Variants in GRIK1 observed in about 807,000 individuals in gnomAD.
GRIK1 encodes glutamate receptor ionotropic, kainate 1.
A neutral mutation model predicts 105.7 loss-of-function variants in GRIK1; 69 were observed. The observed-to-expected ratio is 0.65, with a 90% CI of 0.54 to 0.80. GRIK1 has a LOEUF of 0.80. GRIK1 is among the 30% of genes least tolerant of loss of function. The pLI is 0.00. For synonymous variants in GRIK1, 438 were observed against 431.3 expected (o/e 1.02, Z -0.19); for missense variants, 1,109 against 1,167.3 (o/e 0.95, Z 0.73).
chr21:29,835,852 C>A (rs979831043), intron 1 of GRIK1, among the ~76,000 whole-genome samples: 9 of 152,172 alleles, frequency 5.9e-5, no homozygotes, highest in African/African-American at 1.9e-4. Flanking sequence ...CCAGAGCTAG[C>A]AATTGCTTGG....
At chr21:29,933,962 C>CT (rs11423013) in intron 1 of GRIK1, among the ~76,000 whole-genome samples, 103,766 of 151,860 alleles carry the variant, frequency 0.68, 35,678 homozygotes, top group East Asian at 0.83. Flanking sequence ...CTCCACTACT[C>CT]TTTCCTCTAG....
intron 1 of GRIK1, among the ~76,000 whole-genome samples, chr21:29,922,029 G>A (rs2071210239): frequency 1.3e-5 from 2 of 152,126 alleles, no homozygotes; most frequent in Non-Finnish European, 1.5e-5. Context: ...GAAAGGATTA[G>A]CAATTATCCC....
At chr21:29,681,977 C>T (rs1298445539) in intron 3 of GRIK1, among the ~76,000 whole-genome samples, 1 of 152,198 alleles carries the variant, frequency 6.6e-6, no homozygotes, top group Non-Finnish European at 1.5e-5. Context: ...CTTTAGGTGC[C>T]AGGGTAACCT....
chr21:29,583,534 C>A (rs546763210), intron 12 of GRIK1, among the ~76,000 whole-genome samples: 1 of 152,156 alleles, frequency 6.6e-6, no homozygotes, highest in Non-Finnish European at 1.5e-5. Flanking sequence ...ATGCTCCCAT[C>A]GATGAGCTCA....
intron 9 of GRIK1, among the ~76,000 whole-genome samples, chr21:29,591,514 A>G (rs1158725471): frequency 1.3e-5 from 2 of 152,178 alleles, no homozygotes; most frequent in African/African-American, 4.8e-5. Flanking sequence ...GAATTCTTAA[A>G]TGAATATCAG....
intron 1 of GRIK1, among the ~76,000 whole-genome samples, chr21:29,846,343 A>C (rs978484237): frequency 2.0e-5 from 3 of 150,362 alleles, no homozygotes; most frequent in Non-Finnish European, 4.4e-5. Flanking sequence ...AGCCGAGATC[A>C]CACCATTACA....
At chr21:29,917,540 G>A (rs1329036715) in intron 1 of GRIK1, among the ~76,000 whole-genome samples, 1 of 151,994 alleles carries the variant, frequency 6.6e-6, no homozygotes, top group Non-Finnish European at 1.5e-5. Context: ...CTACTATGGT[G>A]CAAAGCATTT....
At chr21:29,786,898 G>A (rs1354952608) in intron 1 of GRIK1, among the ~76,000 whole-genome samples, 1 of 152,134 alleles carries the variant, frequency 6.6e-6, no homozygotes, top group East Asian at 1.9e-4. Context: ...TTCATTGATG[G>A]ATAGCCTTGC....
chr21:29,820,046 T>C (rs569736938), intron 1 of GRIK1, among the ~76,000 whole-genome samples: 2 of 151,772 alleles, frequency 1.3e-5, no homozygotes, highest in East Asian at 3.9e-4. Flanking sequence ...CTGGAGCTTT[T>C]GAAAAAAAAA....
intron 4 of GRIK1, among the ~76,000 whole-genome samples, chr21:29,660,804 C>G (rs775539099): frequency 6.6e-6 from 1 of 152,130 alleles, no homozygotes; most frequent in Non-Finnish European, 1.5e-5. Context: ...GGTTTGTAAT[C>G]AATAATTTCA....
chr21:29,670,846 T>C (rs567017831), intron 4 of GRIK1, among the ~76,000 whole-genome samples: 2 of 152,356 alleles, frequency 1.3e-5, no homozygotes, highest in South Asian at 4.1e-4. Flanking sequence ...TTACTTACCT[T>C]TAAAGTTCTT....
chr21:29,722,590 A>G (rs975494835), intron 1 of GRIK1, among the ~76,000 whole-genome samples: 12 of 151,752 alleles, frequency 7.9e-5, no homozygotes, highest in Non-Finnish European at 1.3e-4. Context: ...AAAAAAAAAA[A>G]AAAAACTCCC....
chr21:29,649,691 A>T (rs1469008598), intron 6 of GRIK1, among the ~76,000 whole-genome samples: 1 of 152,238 alleles, frequency 6.6e-6, no homozygotes, highest in African/African-American at 2.4e-5. Context: ...GTATAATTGA[A>T]CACACAGACT....
At chr21:29,747,328 T>C (rs1055008701) in intron 1 of GRIK1, among the ~76,000 whole-genome samples, 7 of 152,202 alleles carry the variant, frequency 4.6e-5, no homozygotes, top group African/African-American at 9.6e-5. Flanking sequence ...AGTAAGAGCA[T>C]CCTTTTGAGT....
At position 29,581,352 on chromosome 21, in the gene GRIK1, G is replaced by A. The variant is rs1431751407; in HGVS notation, c.1912+73C>T. The A allele has an allele frequency of 7.0e-6, 6 of 860,060 alleles. No individual in the cohort carries two copies. The East Asian group carries it at 1.4e-4, about 21-fold the overall frequency. 53.3% of individuals were successfully genotyped at this position (860,060 alleles called of 1,614,324 possible). ...TTTCATCCTACCCTCTAGCTTCATG[G>A]TGGAGTTTACCAGCATGAAAGCCTG... On this transcript the variant is annotated intron_variant, in intron 13 of 17. Transcript: ENST00000327783.
At chr21:29,706,503 TCA>T (rs1256112797) in intron 1 of GRIK1, among the ~76,000 whole-genome samples, 10 of 152,302 alleles carry the variant, frequency 6.6e-5, no homozygotes, top group Admixed American at 3.9e-4. Flanking sequence ...TAGATTGCTC[TCA>T]GTTTCATTCT....
At chr21:29,851,538 C>T (rs761102276) in intron 1 of GRIK1, among the ~76,000 whole-genome samples, 3 of 152,190 alleles carry the variant, frequency 2.0e-5, no homozygotes, top group Non-Finnish European at 2.9e-5. Context: ...CCTTTTCTAG[C>T]CCTATAATGC....
chr21:29,599,772 A>G (rs141930016), intron 7 of GRIK1, among the ~76,000 whole-genome samples: 1,882 of 152,242 alleles, frequency 0.012, 43 homozygotes, highest in African/African-American at 0.043. Flanking sequence ...GAGCCTGGGC[A>G]ACAGAGCAAG....
intron 14 of GRIK1, among the ~76,000 whole-genome samples, chr21:29,569,164 G>A (rs776872438): frequency 2.6e-5 from 4 of 152,192 alleles, no homozygotes; most frequent in Non-Finnish European, 5.9e-5. Context: ...CAGTAAGGAA[G>A]CTGAACAGAG....
Sources: gnomAD v4.1 joint callset for allele counts (sites outside exome capture counted in the v4.1 genomes callset) on GRCh38, gnomAD v4.1.1 for gene constraint, MANE v1.5 for transcripts, NCBI Gene and HGNC (gene_info 2026-07-23, HGNC 2026-07-21) for gene names.